The following PNLIPRP1 variants were observed in gnomAD, a reference collection of about 807,000 sequenced individuals.
The protein encoded by PNLIPRP1 is inactive pancreatic lipase-related protein 1.
Under a neutral mutation model 54.6 loss-of-function variants are expected in PNLIPRP1, and 57 were observed. The observed-to-expected ratio is 1.04, with a 90% CI of 0.84 to 1.30. The LOEUF (loss-of-function observed/expected upper bound fraction) is 1.30. Ranked by LOEUF, PNLIPRP1 falls within the 50% of genes most tolerant of loss-of-function variation. The pLI, the probability that PNLIPRP1 is intolerant of heterozygous loss-of-function variation, is 0.00. For missense variants in PNLIPRP1, 567 were observed against 568.5 expected (o/e 1.00, Z 0.03); for synonymous variants, 232 against 208.8 (o/e 1.11, Z -0.96).
At chr10:116,592,195 G>C in intron 3 of PNLIPRP1, 1 of 640,688 alleles carries the variant, frequency 1.6e-6, no homozygotes, top group Admixed American at 3.0e-5. Flanking sequence ...AAACCACAGG[G>C]AAGGTAAAAC....
chr10:116,593,275 CAT>C (rs1308919152), intron 4 of PNLIPRP1: 1 of 154,264 alleles, frequency 6.5e-6, no homozygotes, highest in Non-Finnish European at 1.4e-5. Flanking sequence ...AGAATACACA[CAT>C]GTGCACACAC....
At chr10:116,596,354 TC>T in intron 6 of PNLIPRP1, 32 bp downstream of exon 6, 2 of 1,367,010 alleles carry the variant, frequency 1.5e-6, no homozygotes, top group Non-Finnish European at 2.1e-6. Context: ...CCCAGTTTTG[TC>T]CCCAGAAACC....
Position 116,594,738 on chromosome 10 carries a change from C to A in PNLIPRP1, c.339C>A (p.Phe113Leu), listed in dbSNP as rs202053226. 1.2e-6 allele frequency: 2 copies of A among 1,614,130 alleles called. No homozygotes were observed. The highest frequency in any genetic ancestry group is 3.3e-5 in the Admixed American group (2 of 60,022). Residue 113 changes from phenylalanine (F) to leucine (L), a missense_variant, in exon 5 of 13, where the codon TTC becomes TTA. By Grantham distance (22) the Phe-to-Leu change is conservative (BLOSUM62 0). Transcript: ENST00000358834. ...TATCTCCCCAACACCAGAAACTGTT[C>A]GAGGTGGAGGAGGTGAACTGCATCT... ...SWVTDMCKKL[F>L]EVEEVNCICV...
intron 11 of PNLIPRP1, among the ~76,000 whole-genome samples, chr10:116,604,571 T>C (rs1847903876): frequency 1.3e-5 from 2 of 152,186 alleles, no homozygotes; most frequent in Middle Eastern, 3.2e-3. Context: ...CATATCTCCA[T>C]TGTTAAGCAA....
intron 6 of PNLIPRP1, 76 bp from the exon 7 acceptor site, chr10:116,597,752 G>T: frequency 3.8e-6 from 6 of 1,566,910 alleles, no homozygotes; most frequent in Non-Finnish European, 5.2e-6. Context: ...TGCATAGCCC[G>T]GGCAGCTGTA....
rs1236008279 is a variant in PNLIPRP1 at position 116,596,271 on chromosome 10, C to A, written c.523C>A (p.His175Asn). The A allele has an allele frequency of 2.5e-6, 4 of 1,613,962 alleles. No homozygotes were observed. The highest frequency in any genetic ancestry group is 3.4e-6 in the Non-Finnish European group (4 of 1,179,940). Residue 175 changes from histidine (H) to asparagine (N), a missense_variant, in exon 6 of 13, where the codon CAC (histidine) becomes AAC (asparagine). His to Asn is a moderately conservative substitution (Grantham distance 68, BLOSUM62 1). Coordinates refer to ENST00000358834, the MANE Select transcript of PNLIPRP1 (RefSeq NM_006229.4). Reference protein sequence around the residue: ...VHLIGHSLGAHVAGEAGSKTP... With the variant: ...VHLIGHSLGANVAGEAGSKTP... ...CCTCATTGGCCACAGCCTGGGAGCC[C>A]ACGTGGCTGGAGAGGCAGGAAGCAA...
At position 116,605,418 on chromosome 10, in the gene PNLIPRP1, A is replaced by G. The variant is rs781858228; in HGVS notation, c.1205A>G (p.Tyr402Cys). 3.1e-6 allele frequency: 5 copies of G among 1,610,136 alleles called. No individual in the cohort carries two copies. The highest frequency in any genetic ancestry group is 1.1e-5 in the South Asian group (1 of 90,596). Reference sequence around the variant, plus strand: ...CTCAAACCAGGCTCAACCCATTCCTATGAGTTTGATGCAAAGCTGGATGTT... The same window carrying G: ...CTCAAACCAGGCTCAACCCATTCCTGTGAGTTTGATGCAAAGCTGGATGTT... ...GILKPGSTHS[Y>C]EFDAKLDVGT... The change falls in exon 12 of 13, where the codon TAT becomes TGT. Residue 402 changes from tyrosine to cysteine, a missense_variant. By Grantham distance (194) the Tyr-to-Cys change is radical. Transcript: ENST00000358834.
In PNLIPRP1 at chr10:116,596,459, A is replaced by G. The variant is rs1847739557; in HGVS notation, c.574+137A>G. On this transcript the variant is annotated intron_variant, in intron 6 of 12. Coordinates refer to ENST00000358834, the MANE Select transcript of PNLIPRP1 (RefSeq NM_006229.4). Reference sequence around the variant, plus strand: ...TGATAGAGCTGCTTGGAGCCTGCACAGAACATTTTAGGGAGCCCCCAAGAA... The same window carrying G: ...TGATAGAGCTGCTTGGAGCCTGCACGGAACATTTTAGGGAGCCCCCAAGAA... The G allele has an allele frequency of 6.9e-6, 4 of 581,426 alleles. No individual in the cohort carries two copies. In the South Asian group the frequency reaches 7.6e-5, roughly 11 times the overall value. 36.0% of individuals were successfully genotyped at this position (581,426 alleles called of 1,614,324 possible).
chr10:116,598,606 G>C (rs1436768926), intron 8 of PNLIPRP1, among the ~76,000 whole-genome samples: 1 of 152,178 alleles, frequency 6.6e-6, no homozygotes, highest in African/African-American at 2.4e-5. Flanking sequence ...TATTCCCAGT[G>C]GTTTCCACAG....
intron 1 of PNLIPRP1, 43 bp from the exon 2 acceptor site, chr10:116,591,087 G>A: frequency 3.9e-6 from 6 of 1,550,338 alleles, no homozygotes; most frequent in Non-Finnish European, 5.3e-6. Flanking sequence ...TCACTGCTCT[G>A]GCAATGCCCG....
In PNLIPRP1 at chr10:116,605,391, T is replaced by C; in HGVS notation, c.1178T>C (p.Ile393Thr). Residue 393 changes from isoleucine to threonine, a missense_variant, in exon 12 of 13, where the codon ATT becomes ACT. Ile to Thr is a moderately conservative substitution (Grantham distance 89). Transcript: ENST00000358834. ...NTHQYSIFRG[I>T]LKPGSTHSYE... ...TTATGTTTCTCTATTTCAAGGGGGA[T>C]TCTCAAACCAGGCTCAACCCATTCC... is the stretch of plus-strand genomic sequence containing the variant. 6.4e-7 allele frequency: 1 copy of C among 1,572,666 alleles called. No homozygotes were observed. The highest frequency in any genetic ancestry group is 8.7e-7 in the Non-Finnish European group (1 of 1,151,544).
intron 1 of PNLIPRP1, 34 bp from the exon 2 acceptor site, chr10:116,591,096 C>A (rs368443988): frequency 7.5e-6 from 12 of 1,592,240 alleles, no homozygotes; most frequent in Non-Finnish European, 1.0e-5. Flanking sequence ...TGGCAATGCC[C>A]GGTGAGACTG....
At chr10:116,599,577 AT>A (rs1243714104) in intron 8 of PNLIPRP1, among the ~76,000 whole-genome samples, 1 of 152,112 alleles carries the variant, frequency 6.6e-6, no homozygotes, top group African/African-American at 2.4e-5. Flanking sequence ...ATGTCCTCGC[AT>A]TGGCTTGGTC....
At position 116,597,941 on chromosome 10, in the gene PNLIPRP1, T is replaced by C. The variant is rs782649975; in HGVS notation, c.688T>C (p.Phe230Leu). 5.0e-6 allele frequency: 8 copies of C among 1,614,194 alleles called. No homozygotes were observed. The highest frequency in any genetic ancestry group is 3.3e-5 in the South Asian group (3 of 91,086). The stretch of plus-strand genomic sequence containing the variant: ...CACGGATGCAGCTCCCCTGATCCCA[T>C]TCTTGGGTGAGACCTATGATGCTCC... ...IHTDAAPLIP[F>L]LGFGTNQQMG... is the part of the protein sequence containing the mutation. Residue 230 changes from phenylalanine to leucine, a missense_variant, in exon 7 of 13, where the codon TTC becomes CTC. Physicochemically the swap from Phe to Leu is conservative, Grantham distance 22. Coordinates refer to ENST00000358834, the MANE Select transcript of PNLIPRP1 (RefSeq NM_006229.4).
chr10:116,592,544 A>T lies in PNLIPRP1; in HGVS notation c.330+3A>T. 1 of 1,614,166 alleles carries T rather than the reference A, an allele frequency of 6.2e-7. No individual in the cohort carries two copies. The highest frequency in any genetic ancestry group is 8.5e-7 in the Non-Finnish European group (1 of 1,180,014). ...GCTGGGTGACAGACATGTGCAAGGTAGGAGCCAGCTCTGATCCCTGTGGCC... is the reference window on the plus strand; with the variant it reads ...GCTGGGTGACAGACATGTGCAAGGTTGGAGCCAGCTCTGATCCCTGTGGCC... On this transcript the variant is annotated splice_donor_region_variant and intron_variant, in intron 4 of 12. Transcript: ENST00000358834.
chr10:116,596,305 G>A lies in PNLIPRP1; in HGVS notation c.557G>A (p.Gly186Asp), dbSNP rs1847734990. The A allele has an allele frequency of 1.9e-6, 3 of 1,611,526 alleles. No homozygotes were observed. The highest frequency in any genetic ancestry group is 2.7e-5 in the African/African-American group (2 of 74,854). The change falls in exon 6 of 13, where the codon GGC becomes GAC. Residue 186 changes from glycine (G) to aspartate (D), a missense_variant. Physicochemically the swap from Gly to Asp is moderately conservative, Grantham distance 94. Transcript: ENST00000358834. ...VAGEAGSKTPGLSRITGLDPV... is the reference protein window; with the variant it reads ...VAGEAGSKTPDLSRITGLDPV... ...GGAGAGGCAGGAAGCAAGACTCCAG[G>A]CCTGAGCAGGATTACAGGTAAGGCC...
chr10:116,591,593 T>C (rs1847637104), intron 2 of PNLIPRP1, among the ~76,000 whole-genome samples, 178 bp from the exon 3 acceptor site: 1 of 152,080 alleles, frequency 6.6e-6, no homozygotes, highest in South Asian at 2.1e-4. Flanking sequence ...CTGATACTAC[T>C]ACCGGCCAGT....
intron 10 of PNLIPRP1, among the ~76,000 whole-genome samples, chr10:116,602,089 C>T (rs1847854447): frequency 6.6e-6 from 1 of 150,644 alleles, no homozygotes. Context: ...AATCTTGGCT[C>T]ACTACAACCT....
Position 116,594,765 on chromosome 10 carries a change from C to CA in PNLIPRP1, c.366_367insA (p.Val123SerfsTer37). On this transcript the variant is annotated frameshift_variant, in exon 5 of 13. Coordinates refer to ENST00000358834, the MANE Select transcript of PNLIPRP1 (RefSeq NM_006229.4). LOFTEE classifies it high-confidence loss of function. ...AGGTGGAGGAGGTGAACTGCATCTG[C>CA]GTGGACTGGAAGAAGGGCTCCCAAG... 6.2e-7 allele frequency: 1 copy of CA among 1,614,124 alleles called. No homozygotes were observed. Among genetic ancestry groups the CA allele is most frequent in the Non-Finnish European group, 8.5e-7 (1 of 1,180,018 alleles).
Sources: allele counts gnomAD v4.1 joint callset (sites outside exome capture counted in the v4.1 genomes callset), GRCh38; gene constraint gnomAD v4.1.1; transcripts MANE v1.5; gene names NCBI Gene and HGNC (gene_info 2026-07-23, HGNC 2026-07-21).